MDM1: variants seen among roughly 807,000 people sequenced by gnomAD.
MDM1 encodes the protein Mdm1 nuclear protein.
A neutral mutation model predicts 89.1 loss-of-function variants in MDM1; 61 were observed. The ratio of observed to expected loss-of-function variants is 0.68; its 90% CI spans 0.56 to 0.85. MDM1 has a LOEUF of 0.85. MDM1 is among the 40% of genes least tolerant of loss of function. The probability of loss-of-function intolerance (pLI) is 0.00; values close to 1 mark genes in which losing one functional copy is unlikely to be tolerated. For missense variants in MDM1, 820 were observed against 846.5 expected (o/e 0.97, Z 0.39); for synonymous variants, 290 against 294.1 (o/e 0.99, Z 0.14).
intron 2 of MDM1, among the ~76,000 whole-genome samples, chr12:68,329,833 G>A (rs2121196127): frequency 6.6e-6 from 1 of 152,278 alleles, no homozygotes. Context: ...CCAGGACTCT[G>A]CCTTCCCTGG....
At chr12:68,321,172 T>TA (rs11443071) in intron 7 of MDM1, 175 bp downstream of exon 7, 252,284 of 408,224 alleles carry the variant, frequency 0.62, 76,055 homozygotes, top group Admixed American at 0.65. Context: ...CCAGTGGCAT[T>TA]AAAAAAAATG....
intron 14 of MDM1, among the ~76,000 whole-genome samples, chr12:68,296,328 T>C (rs1348621477): frequency 6.6e-6 from 1 of 152,154 alleles, no homozygotes; most frequent in African/African-American, 2.4e-5. Context: ...TGAAACCCCA[T>C]CTCTACTAAA....
intron 2 of MDM1, among the ~76,000 whole-genome samples, chr12:68,328,368 T>C (rs1244319576): frequency 6.6e-6 from 1 of 152,194 alleles, no homozygotes; most frequent in Non-Finnish European, 1.5e-5. Context: ...AAACAGACTT[T>C]CTCACAGAAA....
chr12:68,310,598 T>C (rs976963050), intron 12 of MDM1, among the ~76,000 whole-genome samples: 2 of 152,212 alleles, frequency 1.3e-5, no homozygotes, highest in African/African-American at 4.8e-5. Flanking sequence ...TAATGTCACA[T>C]TTCCTTTAAT....
chr12:68,296,578 A>G (rs888426011), intron 14 of MDM1, among the ~76,000 whole-genome samples: 33 of 152,264 alleles, frequency 2.2e-4, no homozygotes, highest in African/African-American at 7.5e-4. Context: ...TGGAAAATTG[A>G]CAAAAATATA....
intron 7 of MDM1, among the ~76,000 whole-genome samples, chr12:68,320,587 G>T (rs556111492): frequency 6.6e-6 from 1 of 152,280 alleles, no homozygotes; most frequent in South Asian, 2.1e-4. Context: ...TTTAAGTAAT[G>T]AGCTAAATAA....
intron 1 of MDM1, 61 bp downstream of exon 1, chr12:68,332,167 C>A: frequency 6.7e-7 from 1 of 1,503,080 alleles, no homozygotes; most frequent in South Asian, 1.3e-5. Context: ...CCTCGGCGCT[C>A]CACACCTCCC....
At chr12:68,323,278 T>A (rs151029239) in intron 4 of MDM1, 38 bp from the exon 5 acceptor site, 1 of 1,455,798 alleles carries the variant, frequency 6.9e-7, no homozygotes, top group South Asian at 1.3e-5. Context: ...TTTTGTTGAT[T>A]AAATATGCGG....
chr12:68,322,757 T>G (rs1169019681), intron 5 of MDM1, among the ~76,000 whole-genome samples: 1 of 152,252 alleles, frequency 6.6e-6, no homozygotes, highest in Admixed American at 6.5e-5. Context: ...TCATTTGATA[T>G]TAAACTTACT....
chr12:68,304,277 AAC>A (rs1872593952), intron 12 of MDM1, among the ~76,000 whole-genome samples: 2 of 152,196 alleles, frequency 1.3e-5, no homozygotes, highest in African/African-American at 4.8e-5. Context: ...TTAAATTAAA[AAC>A]AAAACAAGGC....
At chr12:68,306,963 A>C (rs1872974802) in intron 12 of MDM1, among the ~76,000 whole-genome samples, 1 of 152,202 alleles carries the variant, frequency 6.6e-6, no homozygotes, top group Non-Finnish European at 1.5e-5. Context: ...ATAGTGGATT[A>C]GATAAAGAAA....
At chr12:68,296,547 A>T (rs1228160687) in intron 14 of MDM1, among the ~76,000 whole-genome samples, 1 of 152,250 alleles carries the variant, frequency 6.6e-6, no homozygotes, top group African/African-American at 2.4e-5. Context: ...AATTTTCTCT[A>T]ATCATGTATT....
intron 7 of MDM1, among the ~76,000 whole-genome samples, chr12:68,319,029 TTTGTG>T (rs1874870154): frequency 6.6e-6 from 1 of 152,170 alleles, no homozygotes; most frequent in Non-Finnish European, 1.5e-5. Context: ...CACAGTCCTA[TTTGTG>T]GAAGACACAT....
intron 5 of MDM1, among the ~76,000 whole-genome samples, 196 bp downstream of exon 5, chr12:68,322,877 G>A (rs1412213333): frequency 6.6e-6 from 1 of 152,010 alleles, no homozygotes; most frequent in Non-Finnish European, 1.5e-5. Context: ...AGCTGCTTGG[G>A]GCTATTTGCC....
intron 12 of MDM1, among the ~76,000 whole-genome samples, chr12:68,311,442 A>G (rs1300717033): frequency 1.3e-5 from 2 of 152,160 alleles, no homozygotes; most frequent in Non-Finnish European, 2.9e-5. Context: ...TTCACATGTC[A>G]CCAAGAAGCA....
At chr12:68,316,672 G>T in intron 7 of MDM1, 62 bp from the exon 8 acceptor site, 3 of 1,231,194 alleles carry the variant, frequency 2.4e-6, no homozygotes, top group South Asian at 1.4e-5. Flanking sequence ...AATATTAATG[G>T]GAATCAATGA....
chr12:68,303,024 T>C lies in MDM1; in HGVS notation c.1750-152A>G, dbSNP rs887772251. 1.8e-5 allele frequency: 12 copies of C among 684,676 alleles called. No individual in the cohort carries two copies. In the Admixed American group the frequency reaches 2.5e-4, roughly 14 times the overall value. 42.4% of individuals were successfully genotyped at this position (684,676 alleles called of 1,614,324 possible). A position where few individuals can be genotyped will look rare whatever the true frequency, so the allele number is the denominator to read the frequency against. On this transcript the variant is annotated intron_variant, in intron 12 of 14. Coordinates refer to ENST00000682720, the MANE Select transcript of MDM1 (RefSeq NM_001354969.2). ...ACATCTATGTGGGGAAGATATGATA[T>C]AGACAAACAGACCTGGCTATATAAA...
At chr12:68,330,801 G>A in intron 2 of MDM1, 1 of 293,964 alleles carries the variant, frequency 3.4e-6, no homozygotes, top group Non-Finnish European at 6.4e-6. Context: ...CTTTGTGTAA[G>A]GGCACTGGCT....
chr12:68,302,985 A>ACCCCACC, intron 12 of MDM1, 113 bp from the exon 13 acceptor site: 1 of 966,804 alleles, frequency 1.0e-6, no homozygotes. Flanking sequence ...GAGAAATATG[A>ACCCCACC]GAGAATTTAT....
Sources: allele counts gnomAD v4.1 joint callset (sites outside exome capture counted in the v4.1 genomes callset), GRCh38; gene constraint gnomAD v4.1.1; transcripts MANE v1.5; gene names NCBI Gene and HGNC (gene_info 2026-07-23, HGNC 2026-07-21).